RASGRF2: variants seen among roughly 807,000 people sequenced by gnomAD.
RASGRF2 encodes Ras protein specific guanine nucleotide releasing factor 2, also known as ras-specific guanine nucleotide-releasing factor 2.
RASGRF2 carries 76 observed loss-of-function variants against 151.0 expected under a neutral mutation model. The ratio of observed to expected loss-of-function variants is 0.50; its 90% CI spans 0.42 to 0.61. The LOEUF is 0.61. RASGRF2 is among the 20% of genes least tolerant of loss of function. The pLI is 0.00. For synonymous variants in RASGRF2, 504 were observed against 566.5 expected, an observed-to-expected ratio of 0.89 and a Z score of 1.57; for missense variants, 1,148 against 1,564.6, an observed-to-expected ratio of 0.73 and a Z score of 4.49.
intron 2 of RASGRF2, among the ~76,000 whole-genome samples, chr5:81,052,068 G>T (rs1370964183): frequency 3.3e-5 from 5 of 152,014 alleles, no homozygotes; most frequent in African/African-American, 1.2e-4. Context: ...TAATATAGTT[G>T]TATCTGTATT....
chr5:81,157,777 A>C (rs772658711), intron 17 of RASGRF2, among the ~76,000 whole-genome samples: 11 of 152,174 alleles, frequency 7.2e-5, no homozygotes, highest in Non-Finnish European at 1.0e-4. Context: ...AAACCATCAG[A>C]TCTCATGAGA....
chr5:81,059,934 T>A (rs532618773), intron 2 of RASGRF2, among the ~76,000 whole-genome samples: 1 of 152,266 alleles, frequency 6.6e-6, no homozygotes, highest in African/African-American at 2.4e-5. Flanking sequence ...CTGCAGGCTG[T>A]ACAAGCATGG....
rs1341432417 is a variant in RASGRF2, at chr5:81,034,693, G to T, written c.289-8184G>T. ...AAATCATCATTCTCAGTAAACTATC[G>T]CAAGAACAAAAAACCAAACACCGCA... On this transcript the variant is annotated intron_variant, in intron 1 of 26. Transcript: ENST00000265080. 2.3e-4 allele frequency among the ~76,000 whole-genome samples: 35 copies of T among 149,458 alleles called. No individual in the cohort carries two copies. In the East Asian group the frequency reaches 4.9e-3, roughly 21 times the overall value.
intron 1 of RASGRF2, among the ~76,000 whole-genome samples, chr5:80,979,666 G>A (rs532327590): frequency 6.6e-6 from 1 of 152,172 alleles, no homozygotes; most frequent in Non-Finnish European, 1.5e-5. Context: ...GCATTTATTT[G>A]TGTTTCAAAG....
chr5:81,128,823 A>C (rs991073598), intron 17 of RASGRF2, among the ~76,000 whole-genome samples: 2 of 152,156 alleles, frequency 1.3e-5, no homozygotes, highest in Non-Finnish European at 2.9e-5. Context: ...TGCAAGGAGG[A>C]TATTATGTTA....
rs924462634 is a variant in RASGRF2 at position 81,063,058 on chromosome 5, GC to G, written c.396-4973del. On this transcript the variant is annotated intron_variant, in intron 2 of 26. Transcript: ENST00000265080. ...TGACAGAAAAAAAAAAACTATGACA[GC>G]ATGATTCTCACTTCCTTTTGCTACC... is the stretch of plus-strand genomic sequence containing the variant. Among the ~76,000 whole-genome samples the G allele has an allele frequency of 8.6e-5, 13 of 151,694 alleles. 1 individual carries two copies. The South Asian group carries it at 1.7e-3, about 19-fold the overall frequency.
At chr5:81,092,190 T>G (rs1752408712) in intron 9 of RASGRF2, among the ~76,000 whole-genome samples, 1 of 152,180 alleles carries the variant, frequency 6.6e-6, no homozygotes, top group Non-Finnish European at 1.5e-5. Flanking sequence ...TTATTTTCTG[T>G]TTAGATTCCA....
At chr5:81,160,169 C>T (rs964660431) in intron 17 of RASGRF2, among the ~76,000 whole-genome samples, 1 of 152,166 alleles carries the variant, frequency 6.6e-6, no homozygotes, top group African/African-American at 2.4e-5. Context: ...CCTGTAATCC[C>T]AGCACTCTGG....
At chr5:81,164,454 A>AG (rs755107715) in intron 17 of RASGRF2, among the ~76,000 whole-genome samples, 6 of 58,994 alleles carry the variant, frequency 1.0e-4, no homozygotes, top group Non-Finnish European at 9.3e-5. Flanking sequence ...GCCACGTTTG[A>AG]TGAAAAAAAA....
intron 12 of RASGRF2, among the ~76,000 whole-genome samples, chr5:81,106,005 A>T (rs1752835578): frequency 6.6e-6 from 1 of 152,214 alleles, no homozygotes; most frequent in Non-Finnish European, 1.5e-5. Flanking sequence ...ATAAATGCAG[A>T]TGTAAGACAG....
chr5:81,193,976 C>G (rs2112699645), intron 18 of RASGRF2, among the ~76,000 whole-genome samples: 1 of 152,202 alleles, frequency 6.6e-6, no homozygotes, highest in African/African-American at 2.4e-5. Flanking sequence ...CTGGACTTCC[C>G]CATATGCAAA....
At chr5:80,991,861 A>G (rs1037953274) in intron 1 of RASGRF2, among the ~76,000 whole-genome samples, 1 of 152,160 alleles carries the variant, frequency 6.6e-6, no homozygotes, top group African/African-American at 2.4e-5. Flanking sequence ...CTGACTAACA[A>G]CACATGTGAA....
intron 13 of RASGRF2, among the ~76,000 whole-genome samples, chr5:81,110,794 G>A (rs777606077): frequency 2.6e-5 from 4 of 152,164 alleles, no homozygotes; most frequent in Non-Finnish European, 4.4e-5. Context: ...TTACGAATGA[G>A]CAAATTAAGA....
chr5:81,216,587 A>C (rs1755745544), intron 24 of RASGRF2, among the ~76,000 whole-genome samples: 1 of 152,250 alleles, frequency 6.6e-6, no homozygotes, highest in African/African-American at 2.4e-5. Context: ...AGTATTTACT[A>C]AATGACAGGT....
chr5:81,051,330 A>G (rs1489692720), intron 2 of RASGRF2, among the ~76,000 whole-genome samples: 2 of 152,230 alleles, frequency 1.3e-5, no homozygotes, highest in Non-Finnish European at 2.9e-5. Context: ...TTTTAAAATC[A>G]AGATATACTT....
At chr5:81,053,332 G>A (rs1580256943) in intron 2 of RASGRF2, among the ~76,000 whole-genome samples, 1 of 133,732 alleles carries the variant, frequency 7.5e-6, no homozygotes, top group Non-Finnish European at 1.5e-5. Flanking sequence ...ATGTCCAAGT[G>A]TTCTCATTGT....
At chr5:81,007,428 C>A (rs1230998939) in intron 1 of RASGRF2, among the ~76,000 whole-genome samples, 1 of 152,130 alleles carries the variant, frequency 6.6e-6, no homozygotes, top group African/African-American at 2.4e-5. Flanking sequence ...GGAAGGGGTT[C>A]ATTCTTTCCC....
At chr5:81,183,100 G>T in intron 18 of RASGRF2, 1 of 835,608 alleles carries the variant, frequency 1.2e-6, no homozygotes, top group Non-Finnish European at 1.4e-6. Context: ...TTTAAAAAAT[G>T]AGTAGGAAGT....
At chr5:81,006,316 G>T (rs1397284295) in intron 1 of RASGRF2, among the ~76,000 whole-genome samples, 1 of 152,152 alleles carries the variant, frequency 6.6e-6, no homozygotes, top group South Asian at 2.1e-4. Flanking sequence ...TTGCCCTTCA[G>T]ACTGGTCTTG....
Sources: gnomAD v4.1 joint callset for allele counts (sites outside exome capture counted in the v4.1 genomes callset) on GRCh38, gnomAD v4.1.1 for gene constraint, MANE v1.5 for transcripts, NCBI Gene and HGNC (gene_info 2026-07-23, HGNC 2026-07-21) for gene names.